CEMIP2: variants seen among roughly 807,000 people sequenced by gnomAD.
CEMIP2 encodes cell migration inducing hyaluronidase 2.
In CEMIP2, 79 loss-of-function variants were observed where a neutral mutation model predicts 146.9. That is an observed-to-expected ratio of 0.54 (90% CI 0.45 to 0.65). CEMIP2 has a LOEUF of 0.65. Among genes scored for constraint, CEMIP2 ranks in the 30% least tolerant of loss-of-function variants. CEMIP2 has a pLI of 0.00. For missense variants in CEMIP2, 1,596 were observed against 1,696.2 expected, an observed-to-expected ratio of 0.94 and a Z score of 1.04; for synonymous variants, 601 against 606.3, an observed-to-expected ratio of 0.99 and a Z score of 0.13.
At chr9:71,689,668 A>G (rs1431277036) in intron 22 of CEMIP2, among the ~76,000 whole-genome samples, 1 of 152,214 alleles carries the variant, frequency 6.6e-6, no homozygotes, top group Non-Finnish European at 1.5e-5. Context: ...GCAAAGGTAA[A>G]CTGCCTGGAA....
intron 21 of CEMIP2, among the ~76,000 whole-genome samples, chr9:71,693,937 T>C (rs555572174): frequency 6.6e-6 from 1 of 152,258 alleles, no homozygotes; most frequent in African/African-American, 2.4e-5. Context: ...AGTGCTGTTA[T>C]AAAAGAAGGC....
chr9:71,701,393 A>G (rs1439414300), intron 18 of CEMIP2, among the ~76,000 whole-genome samples: 3 of 152,206 alleles, frequency 2.0e-5, no homozygotes, highest in Non-Finnish European at 4.4e-5. Context: ...GGCGTGAGCC[A>G]CCGTGTCCAG....
At chr9:71,716,590 C>T (rs780025086) in intron 13 of CEMIP2, 38 bp from the exon 14 acceptor site, 2 of 1,500,538 alleles carry the variant, frequency 1.3e-6, no homozygotes, top group South Asian at 1.2e-5. Flanking sequence ...TTTTAATTTA[C>T]CATATTATGT....
intron 13 of CEMIP2, among the ~76,000 whole-genome samples, chr9:71,717,007 A>G (rs1360977859): frequency 6.6e-6 from 1 of 152,304 alleles, no homozygotes; most frequent in African/African-American, 2.4e-5. Context: ...CTCTGTCTCC[A>G]CAAAAAATTT....
intron 12 of CEMIP2, among the ~76,000 whole-genome samples, chr9:71,719,317 T>C (rs1255920334): frequency 6.6e-6 from 1 of 152,134 alleles, no homozygotes; most frequent in Non-Finnish European, 1.5e-5. Flanking sequence ...CAAATGTCCT[T>C]AGGCATGAGT....
chr9:71,701,230 C>A (rs1012278938), intron 18 of CEMIP2, among the ~76,000 whole-genome samples: 1 of 152,068 alleles, frequency 6.6e-6, no homozygotes, highest in Admixed American at 6.6e-5. Flanking sequence ...CTCAGCCTCT[C>A]GAGTAGCTGG....
chr9:71,732,279 A>C (rs1823641089), intron 7 of CEMIP2, 72 bp downstream of exon 7: 1 of 1,458,844 alleles, frequency 6.9e-7, no homozygotes, highest in Non-Finnish European at 9.2e-7. Flanking sequence ...CTTGTTCCAA[A>C]ACTTGACAGT....
At position 71,686,774 on chromosome 9, in the gene CEMIP2, C is replaced by G. The variant is rs557257454; in HGVS notation, c.3852-928G>C. 1.1e-4 allele frequency: 16 copies of G among 152,296 alleles called. No individual in the cohort carries two copies. The East Asian group carries it at 2.1e-3, about 20-fold the overall frequency. The allele number at this position is 152,296 out of a possible 1,614,324, so 9.4% of individuals were successfully genotyped here. A position where few individuals can be genotyped will look rare whatever the true frequency, so the allele number is the denominator to read the frequency against. ...GTATCCATCACCCAAATAATGTACA[C>G]TGTGCCTATTCAGTAATTTCCTGTC... is the stretch of plus-strand genomic sequence containing the variant. On this transcript the variant is annotated intron_variant, in intron 22 of 23. Coordinates refer to ENST00000377044, the MANE Select transcript of CEMIP2 (RefSeq NM_013390.3).
intron 19 of CEMIP2, chr9:71,699,424 C>G (rs1305792712): frequency 2.2e-6 from 1 of 445,566 alleles, no homozygotes; most frequent in Admixed American, 2.4e-5. Flanking sequence ...GCACTCCAGC[C>G]TGGGCAACAT....
chr9:71,735,999 TGG>T (rs1823751476), intron 5 of CEMIP2, among the ~76,000 whole-genome samples: 1 of 151,948 alleles, frequency 6.6e-6, no homozygotes, highest in Non-Finnish European at 1.5e-5. Context: ...GAGTCTGAGG[TGG>T]GAGGATCACT....
intron 12 of CEMIP2, among the ~76,000 whole-genome samples, chr9:71,719,000 A>C (rs1823152406): frequency 6.6e-6 from 1 of 152,228 alleles, no homozygotes; most frequent in African/African-American, 2.4e-5. Flanking sequence ...AAAACTGTCC[A>C]CTATAACAAC....
At chr9:71,737,643 C>A (rs1359820064) in intron 5 of CEMIP2, among the ~76,000 whole-genome samples, 1 of 152,126 alleles carries the variant, frequency 6.6e-6, no homozygotes, top group Non-Finnish European at 1.5e-5. Context: ...AGCTCTAAGA[C>A]TATAAGCATG....
intron 1 of CEMIP2, among the ~76,000 whole-genome samples, chr9:71,767,567 C>T (rs1202806187): frequency 6.6e-6 from 1 of 152,226 alleles, no homozygotes; most frequent in Non-Finnish European, 1.5e-5. Context: ...TGGTGACACT[C>T]ATCAACCCTC....
chr9:71,758,181 G>T (rs1354206951), intron 1 of CEMIP2, among the ~76,000 whole-genome samples: 1 of 152,130 alleles, frequency 6.6e-6, no homozygotes, highest in Non-Finnish European at 1.5e-5. Flanking sequence ...CGGACATATG[G>T]TTGAAACAAT....
At position 71,714,978 on chromosome 9, in the gene CEMIP2, G is replaced by A. The variant is rs1469988453; in HGVS notation, c.2547C>T (p.Gly849=). Residue 849 remains glycine (G), a synonymous_variant, in exon 15 of 24, where the codon GGC becomes GGT. Transcript: ENST00000377044. The stretch of plus-strand genomic sequence containing the variant: ...GAGGCTTCTGGTCTATTCCTCCAGT[G>A]CCTACATACTTGTTCTGACCACCCT... ...GFQGGQNKYV[G]TGGIDQKPRT... 1 of 1,613,912 alleles carries A rather than the reference G, an allele frequency of 6.2e-7. No individual in the cohort carries two copies. Among genetic ancestry groups the A allele is most frequent in the Non-Finnish European group, 8.5e-7 (1 of 1,179,924 alleles).
rs770837008 is a variant in CEMIP2, at chr9:71,714,936, G to A, written c.2589C>T (p.Asn863=). Residue 863 remains asparagine, a splice_region_variant and synonymous_variant, in exon 15 of 24, where the codon AAC becomes AAT. Coordinates refer to ENST00000377044, the MANE Select transcript of CEMIP2 (RefSeq NM_013390.3). ...IDQKPRTLPR[N]RTFPIRGFQI... is the part of the protein sequence containing the mutation. ...TCCACAGCTAAAGCAATGCTTACCTGTTCCTGGGTAATGTTCGAGGCTTCT... is the reference window on the plus strand; with the variant it reads ...TCCACAGCTAAAGCAATGCTTACCTATTCCTGGGTAATGTTCGAGGCTTCT... 30 of 1,612,852 alleles carry A rather than the reference G, an allele frequency of 1.9e-5. 1 individual carries two copies. In the South Asian group the frequency reaches 3.3e-4, roughly 18 times the overall value.
At chr9:71,756,191 CTAGA>C (rs144371815) in intron 1 of CEMIP2, among the ~76,000 whole-genome samples, 34 of 128,492 alleles carry the variant, frequency 2.6e-4, no homozygotes, top group Non-Finnish European at 3.6e-4. Flanking sequence ...AGCAAAAATG[CTAGA>C]TAGATAGATA....
intron 22 of CEMIP2, among the ~76,000 whole-genome samples, chr9:71,689,212 T>C (rs896279534): frequency 6.6e-6 from 1 of 152,230 alleles, no homozygotes; most frequent in Non-Finnish European, 1.5e-5. Flanking sequence ...ATACATTTAA[T>C]GTTACATCCA....
intron 4 of CEMIP2, among the ~76,000 whole-genome samples, chr9:71,742,016 G>A (rs1451917999): frequency 1.3e-5 from 2 of 152,054 alleles, no homozygotes; most frequent in African/African-American, 2.4e-5. Context: ...TCAACGCAAA[G>A]GGACAATTTT....
Sources: gnomAD v4.1 joint callset for allele counts (sites outside exome capture counted in the v4.1 genomes callset) on GRCh38, gnomAD v4.1.1 for gene constraint, MANE v1.5 for transcripts, NCBI Gene and HGNC (gene_info 2026-07-23, HGNC 2026-07-21) for gene names.